Variants in SLC14A2 observed in about 807,000 individuals in gnomAD.
The protein encoded by SLC14A2 is urea transporter 2.
A neutral mutation model predicts 104.6 loss-of-function variants in SLC14A2; 91 were observed. The ratio of observed to expected loss-of-function variants is 0.87; its 90% confidence interval spans 0.73 to 1.04. SLC14A2 has a LOEUF of 1.04. Among genes scored for constraint, SLC14A2 ranks in the 50% least tolerant of loss-of-function variants. The pLI is 0.00. For synonymous variants in SLC14A2, 476 were observed against 466.4 expected, an observed-to-expected ratio of 1.02 and a Z score of -0.27; for missense variants, 1,189 against 1,156.0, an observed-to-expected ratio of 1.03 and a Z score of -0.41.
chr18:45,205,359 T>C, the SLC14A2 span, among the ~76,000 whole-genome samples: 7 of 152,352 alleles, frequency 4.6e-5, no homozygotes, highest in East Asian at 1.3e-3. Context: ...ACTGTTATTT[T>C]ATCAGTTACC....
At chr18:45,374,691 G>A (rs1015864821) in intron 1 of SLC14A2, among the ~76,000 whole-genome samples, 1 of 152,140 alleles carries the variant, frequency 6.6e-6, no homozygotes, top group African/African-American at 2.4e-5. Context: ...TCATCCGTGT[G>A]GGATTATTTT....
At chr18:45,233,521 C>T (rs910347840) in intron 1 of SLC14A2, among the ~76,000 whole-genome samples, 6 of 152,046 alleles carry the variant, frequency 3.9e-5, no homozygotes, top group Non-Finnish European at 8.8e-5. Context: ...TGGTCTTGCC[C>T]GGGCTCCCTC....
chr18:45,513,898 C>T (rs1159280183), intron 2 of SLC14A2, among the ~76,000 whole-genome samples: 2 of 152,124 alleles, frequency 1.3e-5, no homozygotes, highest in Admixed American at 6.5e-5. Context: ...GAAACATCTC[C>T]ACCTCCTTCT....
At chr18:45,268,385 A>G (rs2084614257) in intron 1 of SLC14A2, among the ~76,000 whole-genome samples, 2 of 152,036 alleles carry the variant, frequency 1.3e-5, no homozygotes, top group African/African-American at 4.8e-5. Context: ...GAGAACTAAT[A>G]CATATAGCAA....
At chr18:45,368,677 T>G (rs2085691254) in intron 1 of SLC14A2, among the ~76,000 whole-genome samples, 1 of 152,192 alleles carries the variant, frequency 6.6e-6, no homozygotes, top group South Asian at 2.1e-4. Context: ...GGAAAGGCCA[T>G]GCAGGCAAGG....
At chr18:45,220,148 G>A (rs1421550057) in intron 1 of SLC14A2, among the ~76,000 whole-genome samples, 1 of 150,624 alleles carries the variant, frequency 6.6e-6, no homozygotes, top group East Asian at 1.9e-4. Flanking sequence ...ATTCCTAATA[G>A]AGCTAGGAAG....
rs777670329 is a variant in SLC14A2, at chr18:45,682,380, C to T, written c.2624C>T (p.Thr875Met). 1.6e-5 allele frequency: 26 copies of T among 1,614,016 alleles called. No individual in the cohort carries two copies. The highest frequency in any genetic ancestry group is 8.8e-5 in the South Asian group (8 of 91,068). The change falls in exon 20 of 20, where the codon ACG (threonine) becomes ATG (methionine). Residue 875 changes from threonine (T) to methionine (M), a missense_variant. Coordinates refer to ENST00000255226, the MANE Select transcript of SLC14A2 (RefSeq NM_007163.4). ...CLSALTFLLL[T>M]TNNPAIYKLP... Reference sequence around the variant, plus strand: ...TCAGCTCTCACCTTCCTGCTCCTGACGACCAATAACCCCGCCATCTACAAG... The same window carrying T: ...TCAGCTCTCACCTTCCTGCTCCTGATGACCAATAACCCCGCCATCTACAAG...
At chr18:45,213,862 C>T (rs1403508348) in intron 1 of SLC14A2, among the ~76,000 whole-genome samples, 4 of 152,184 alleles carry the variant, frequency 2.6e-5, no homozygotes. Flanking sequence ...TCATCTGCCC[C>T]AGATCTCTGC....
chr18:45,675,362 G>A (rs1390096336), intron 18 of SLC14A2, among the ~76,000 whole-genome samples: 2 of 152,156 alleles, frequency 1.3e-5, no homozygotes, highest in Non-Finnish European at 2.9e-5. Context: ...TGAGGCTAAG[G>A]GAGGTAAAAG....
intron 2 of SLC14A2, among the ~76,000 whole-genome samples, chr18:45,588,373 C>T (rs1173548664): frequency 6.6e-6 from 1 of 152,192 alleles, no homozygotes; most frequent in Non-Finnish European, 1.5e-5. Flanking sequence ...ATTCTGTTTA[C>T]AGGGGACTTG....
At chr18:45,587,789 A>G (rs965251099) in intron 2 of SLC14A2, among the ~76,000 whole-genome samples, 3 of 152,138 alleles carry the variant, frequency 2.0e-5, no homozygotes, top group Non-Finnish European at 4.4e-5. Flanking sequence ...CCAAGAAGCT[A>G]TGTGTGGAAG....
intron 1 of SLC14A2, among the ~76,000 whole-genome samples, chr18:45,479,772 G>C (rs569230501): frequency 6.6e-6 from 1 of 152,256 alleles, no homozygotes; most frequent in South Asian, 2.1e-4. Flanking sequence ...TAATGATGCT[G>C]TTCTCCCCCT....
chr18:45,263,255 C>T (rs1290117437), intron 1 of SLC14A2, among the ~76,000 whole-genome samples: 3 of 152,084 alleles, frequency 2.0e-5, no homozygotes, highest in African/African-American at 7.2e-5. Context: ...CTGATGTTTT[C>T]TCGTGATTGG....
chr18:45,169,355 T>G, the SLC14A2 span, among the ~76,000 whole-genome samples: 9 of 152,202 alleles, frequency 5.9e-5, no homozygotes, highest in African/African-American at 2.2e-4. Flanking sequence ...CGTTGAGACC[T>G]GAGGCTACTG....
chr18:45,492,681 A>G lies in SLC14A2; in HGVS notation c.-35+9359A>G, dbSNP rs1238604034. 2.6e-5 allele frequency among the ~76,000 whole-genome samples: 4 copies of G among 152,198 alleles called. No homozygotes were observed. In the East Asian group the frequency reaches 7.7e-4, roughly 29 times the overall value. ...GCCTAGCTAAAAAGTTGGGATTACT[A>G]TTGCTAAGGAAAAAGGGGGAATGGC... On this transcript the variant is annotated intron_variant, in intron 2 of 20. Coordinates refer to the SLC14A2 transcript ENST00000586448.
At chr18:45,495,005 G>A (rs1489901249) in intron 2 of SLC14A2, among the ~76,000 whole-genome samples, 2 of 151,428 alleles carry the variant, frequency 1.3e-5, no homozygotes, top group Non-Finnish European at 2.9e-5. Flanking sequence ...AAAATAGAAA[G>A]CCAGGTTGTT....
intron 1 of SLC14A2, among the ~76,000 whole-genome samples, chr18:45,435,677 G>A (rs796512484): frequency 6.6e-6 from 1 of 152,034 alleles, no homozygotes; most frequent in African/African-American, 2.4e-5. Flanking sequence ...CTGATTAATA[G>A]AGAAAGAGCA....
chr18:45,559,407 A>G (rs1255338053), intron 2 of SLC14A2, among the ~76,000 whole-genome samples: 2 of 152,108 alleles, frequency 1.3e-5, no homozygotes, highest in African/African-American at 4.8e-5. Context: ...AAGGAACAAG[A>G]TGGCACGTTA....
intron 1 of SLC14A2, among the ~76,000 whole-genome samples, chr18:45,349,196 C>T (rs911806246): frequency 6.6e-6 from 1 of 152,216 alleles, no homozygotes; most frequent in Non-Finnish European, 1.5e-5. Flanking sequence ...GAAGGACTAT[C>T]AGTTCACTGA....
Sources: allele counts gnomAD v4.1 joint callset (sites outside exome capture counted in the v4.1 genomes callset), GRCh38; gene constraint gnomAD v4.1.1; transcripts MANE v1.5; gene names NCBI Gene and HGNC (gene_info 2026-07-23, HGNC 2026-07-21).